ZBBX: variants seen among roughly 807,000 people sequenced by gnomAD.
ZBBX encodes zinc finger B-box domain-containing protein 1.
Under a neutral mutation model 108.5 loss-of-function variants are expected in ZBBX, and 101 were observed. The ratio of observed to expected loss-of-function variants is 0.93; its 90% CI spans 0.79 to 1.10. The LOEUF (loss-of-function observed/expected upper bound fraction) is 1.10. ZBBX is among the 50% of genes least tolerant of loss of function. The probability of loss-of-function intolerance (pLI) is 0.00; values close to 1 mark genes in which losing one functional copy is unlikely to be tolerated. For synonymous variants in ZBBX, 356 were observed against 323.4 expected, an observed-to-expected ratio of 1.10 and a Z score of -1.08; for missense variants, 1,009 against 941.4, an observed-to-expected ratio of 1.07 and a Z score of -0.94.
At chr3:167,362,543 A>AG (rs929233940) in intron 6 of ZBBX, among the ~76,000 whole-genome samples, 10 of 152,078 alleles carry the variant, frequency 6.6e-5, no homozygotes, top group African/African-American at 2.4e-4. Flanking sequence ...TTCTGTACTA[A>AG]TTGTCCTTCC....
At chr3:167,276,514 T>A (rs1219598325) in intron 20 of ZBBX, among the ~76,000 whole-genome samples, 1 of 151,802 alleles carries the variant, frequency 6.6e-6, no homozygotes, top group Admixed American at 6.6e-5. Flanking sequence ...ATGAAATGAA[T>A]AAAATGAAGT....
chr3:167,181,873 C>A, the ZBBX span, among the ~76,000 whole-genome samples: 1 of 152,194 alleles, frequency 6.6e-6, no homozygotes, highest in Non-Finnish European at 1.5e-5. Flanking sequence ...CCTGTTGGCA[C>A]TTTTTGTAGG....
the ZBBX span, among the ~76,000 whole-genome samples, chr3:167,209,668 C>G: frequency 3.9e-5 from 6 of 152,172 alleles, no homozygotes; most frequent in Non-Finnish European, 7.3e-5. Flanking sequence ...TCTTTAATGT[C>G]CAGACACTGA....
chr3:167,300,796 T>C (rs1220552552), intron 17 of ZBBX, among the ~76,000 whole-genome samples: 1 of 151,940 alleles, frequency 6.6e-6, no homozygotes, highest in African/African-American at 2.4e-5. Context: ...TTTTGTATTT[T>C]TAATAGAGAC....
chr3:167,375,219 G>A (rs1746763440), intron 2 of ZBBX, among the ~76,000 whole-genome samples: 1 of 152,158 alleles, frequency 6.6e-6, no homozygotes, highest in African/African-American at 2.4e-5. Context: ...TTGTTCCTTT[G>A]GGAGACTATC....
At chr3:167,369,524 TA>T (rs1379749202) in intron 4 of ZBBX, among the ~76,000 whole-genome samples, 2 of 152,200 alleles carry the variant, frequency 1.3e-5, no homozygotes, top group Admixed American at 1.3e-4. Flanking sequence ...AGAAGCTGGC[TA>T]AGATACAGAA....
the ZBBX span, among the ~76,000 whole-genome samples, chr3:167,190,027 C>T: frequency 2.0e-5 from 3 of 152,106 alleles, no homozygotes; most frequent in African/African-American, 7.2e-5. Flanking sequence ...CACATGGACA[C>T]ATGTATTTTA....
At chr3:167,263,103 T>A (rs1256413874) in intron 20 of ZBBX, among the ~76,000 whole-genome samples, 1 of 146,854 alleles carries the variant, frequency 6.8e-6, no homozygotes, top group African/African-American at 2.5e-5. Flanking sequence ...AGTGATGTAA[T>A]CTCAGCTCAC....
chr3:167,235,046 C>T (rs978760665), downstream of ZBBX, among the ~76,000 whole-genome samples: 5 of 151,686 alleles, frequency 3.3e-5, no homozygotes, highest in Admixed American at 6.6e-5. Flanking sequence ...TGTAGTAGTC[C>T]ATGACTGTCT....
intron 8 of ZBBX, among the ~76,000 whole-genome samples, chr3:167,359,396 G>T (rs1408912403): frequency 6.6e-6 from 1 of 152,036 alleles, no homozygotes; most frequent in Non-Finnish European, 1.5e-5. Context: ...GTACATTTAA[G>T]TCCATCCATC....
At chr3:167,262,406 C>T (rs1462318067) in intron 20 of ZBBX, among the ~76,000 whole-genome samples, 3 of 152,322 alleles carry the variant, frequency 2.0e-5, no homozygotes, top group Admixed American at 1.3e-4. Context: ...CATTCTCTAA[C>T]CGTTTTTGTT....
intron 1 of ZBBX, among the ~76,000 whole-genome samples, chr3:167,389,220 C>T (rs1748014333): frequency 6.6e-6 from 1 of 152,042 alleles, no homozygotes. Context: ...TGAGTGAGAA[C>T]ATGCAGTGTT....
intron 1 of ZBBX, among the ~76,000 whole-genome samples, chr3:167,397,531 C>T (rs778200186): frequency 6.6e-6 from 1 of 151,520 alleles, no homozygotes; most frequent in Non-Finnish European, 1.5e-5. Context: ...TATTTCATTC[C>T]CAAATGTAAC....
chr3:167,301,784 C>G (rs1173056407), intron 17 of ZBBX, among the ~76,000 whole-genome samples: 1 of 151,846 alleles, frequency 6.6e-6, no homozygotes, highest in Non-Finnish European at 1.5e-5. Context: ...GATGAAACCC[C>G]ATCTCTACTA....
the ZBBX span, among the ~76,000 whole-genome samples, chr3:167,204,469 C>T: frequency 6.8e-6 from 1 of 146,194 alleles, no homozygotes; most frequent in African/African-American, 2.5e-5. Context: ...TCAATTCCCA[C>T]CTATGAGTGA....
At chr3:167,306,714 G>A (rs928342163) in intron 16 of ZBBX, among the ~76,000 whole-genome samples, 3 of 152,066 alleles carry the variant, frequency 2.0e-5, no homozygotes, top group African/African-American at 7.2e-5. Context: ...GTGAAACACT[G>A]GTCTAGATTT....
At chr3:167,241,824 A>G (rs1399720478) in intron 21 of ZBBX, among the ~76,000 whole-genome samples, 1 of 152,212 alleles carries the variant, frequency 6.6e-6, no homozygotes, top group East Asian at 1.9e-4. Flanking sequence ...CTGCAGTATC[A>G]GATTTCAATT....
intron 20 of ZBBX, among the ~76,000 whole-genome samples, chr3:167,248,408 G>C (rs1387195604): frequency 6.6e-6 from 1 of 152,002 alleles, no homozygotes; most frequent in Non-Finnish European, 1.5e-5. Context: ...TCTTCCCCCA[G>C]AATCTTCCCC....
At chr3:167,352,765 A>G (rs534604223) in intron 8 of ZBBX, among the ~76,000 whole-genome samples, 34 of 152,200 alleles carry the variant, frequency 2.2e-4, no homozygotes, top group African/African-American at 7.7e-4. Context: ...AACACATCAA[A>G]AAGATACTAC....
Sources: allele counts gnomAD v4.1 joint callset (sites outside exome capture counted in the v4.1 genomes callset), GRCh38; gene constraint gnomAD v4.1.1; transcripts MANE v1.5; gene names NCBI Gene and HGNC (gene_info 2026-07-23, HGNC 2026-07-21).